OPCML: variants seen among roughly 807,000 people sequenced by gnomAD.
OPCML encodes opioid binding protein/cell adhesion molecule like.
A neutral mutation model predicts 37.8 loss-of-function variants in OPCML; 13 were observed. The observed-to-expected ratio is 0.34, with a 90% CI of 0.22 to 0.55. OPCML has a LOEUF of 0.55. Among genes scored for constraint, OPCML ranks in the 20% least tolerant of loss-of-function variants. The pLI is 0.91. For synonymous variants in OPCML, 176 were observed against 168.8 expected (o/e 1.04, Z -0.33); for missense variants, 341 against 435.6 (o/e 0.78, Z 1.93).
At chr11:132,528,150 T>C (rs1177101953) in intron 4 of OPCML, among the ~76,000 whole-genome samples, 6 of 152,122 alleles carry the variant, frequency 3.9e-5, no homozygotes, top group Non-Finnish European at 7.4e-5. Context: ...TTATCACTTT[T>C]CTTCTGTTAC....
At chr11:132,610,600 G>A (rs140304218) in intron 3 of OPCML, among the ~76,000 whole-genome samples, 1 of 152,280 alleles carries the variant, frequency 6.6e-6, no homozygotes, top group Non-Finnish European at 1.5e-5. Flanking sequence ...ACTGGCGCTC[G>A]GAACTAGGGG....
intron 1 of OPCML, among the ~76,000 whole-genome samples, chr11:133,347,989 G>C (rs1944040371): frequency 6.6e-6 from 1 of 152,140 alleles, no homozygotes; most frequent in African/African-American, 2.4e-5. Flanking sequence ...AAAGCTTGAT[G>C]ATATACCAAA....
intron 1 of OPCML, among the ~76,000 whole-genome samples, chr11:132,994,994 A>G (rs1198750560): frequency 6.6e-6 from 1 of 152,250 alleles, no homozygotes; most frequent in African/African-American, 2.4e-5. Context: ...TATAGGTCAC[A>G]TGGTTGGTAA....
intron 1 of OPCML, among the ~76,000 whole-genome samples, chr11:133,314,213 C>T (rs1181738426): frequency 3.6e-4 from 39 of 108,048 alleles, no homozygotes; most frequent in Admixed American, 1.9e-3. Context: ...CCAGCCTGGG[C>T]TACAGCGAGA....
intron 1 of OPCML, chr11:133,026,226 A>G: frequency 1.6e-6 from 1 of 637,826 alleles, no homozygotes; most frequent in Non-Finnish European, 2.0e-6. Flanking sequence ...AGGTTAGAGA[A>G]GTCAGTTACA....
intron 2 of OPCML, among the ~76,000 whole-genome samples, chr11:132,820,494 T>TG (rs760152659): frequency 0.016 from 2,473 of 152,140 alleles, 27 homozygotes; most frequent in Middle Eastern, 0.031. Flanking sequence ...CACATATATA[T>TG]GTGGTGTGTG....
chr11:132,543,377 G>A (rs1002442148), intron 3 of OPCML, among the ~76,000 whole-genome samples: 2 of 151,932 alleles, frequency 1.3e-5, no homozygotes, highest in Non-Finnish European at 2.9e-5. Flanking sequence ...GCCAGGCATG[G>A]TGGCATGCGC....
At chr11:132,781,504 T>C (rs980467904) in intron 2 of OPCML, among the ~76,000 whole-genome samples, 2 of 152,068 alleles carry the variant, frequency 1.3e-5, no homozygotes, top group Non-Finnish European at 2.9e-5. Flanking sequence ...CACTGTGGAC[T>C]GTGGGACTTC....
At chr11:133,009,649 C>G (rs979480633) in intron 1 of OPCML, among the ~76,000 whole-genome samples, 11 of 152,210 alleles carry the variant, frequency 7.2e-5, no homozygotes, top group African/African-American at 2.7e-4. Flanking sequence ...GAGAATGAAA[C>G]CGCACCACCT....
At chr11:132,577,443 A>C (rs2096453412) in intron 3 of OPCML, among the ~76,000 whole-genome samples, 1 of 152,194 alleles carries the variant, frequency 6.6e-6, no homozygotes, top group Non-Finnish European at 1.5e-5. Flanking sequence ...CAATTCAACT[A>C]TATTTATATG....
intron 3 of OPCML, among the ~76,000 whole-genome samples, chr11:132,616,355 TG>T (rs1245932044): frequency 2.6e-5 from 4 of 152,220 alleles, no homozygotes; most frequent in Non-Finnish European, 5.9e-5. Context: ...AAAGTTAGTT[TG>T]GTTCACCTCC....
At chr11:133,429,351 C>T (rs921278154) in intron 1 of OPCML, among the ~76,000 whole-genome samples, 18 of 152,112 alleles carry the variant, frequency 1.2e-4, no homozygotes, top group African/African-American at 4.3e-4. Flanking sequence ...CAGAGACAGA[C>T]TGGGGTGAGC....
intron 2 of OPCML, among the ~76,000 whole-genome samples, chr11:132,709,719 A>G (rs541753176): frequency 6.6e-6 from 1 of 152,344 alleles, no homozygotes; most frequent in East Asian, 1.9e-4. Flanking sequence ...GCCACTAACT[A>G]CAGCCCGCAC....
intron 1 of OPCML, among the ~76,000 whole-genome samples, chr11:133,209,089 C>T (rs1261997891): frequency 6.6e-6 from 1 of 152,208 alleles, no homozygotes; most frequent in Non-Finnish European, 1.5e-5. Context: ...CCTCATTTAA[C>T]ACTCTTAAAG....
intron 4 of OPCML, among the ~76,000 whole-genome samples, chr11:132,450,647 A>G (rs1203808740): frequency 1.3e-5 from 2 of 152,108 alleles, no homozygotes; most frequent in African/African-American, 4.8e-5. Flanking sequence ...TGTAAAAAAC[A>G]GTGTGATATT....
chr11:132,984,589 G>C (rs906744795), intron 1 of OPCML, among the ~76,000 whole-genome samples: 3 of 152,192 alleles, frequency 2.0e-5, no homozygotes, highest in African/African-American at 4.8e-5. Context: ...GGCAGCCACA[G>C]CTGTAACTCT....
chr11:133,404,646 G>A (rs867752710), intron 1 of OPCML, among the ~76,000 whole-genome samples: 6 of 152,214 alleles, frequency 3.9e-5, no homozygotes, highest in African/African-American at 1.2e-4. Flanking sequence ...GAGTAGTAAC[G>A]ATAAGAGAAG....
chr11:133,182,898 G>C (rs770778339), intron 1 of OPCML, among the ~76,000 whole-genome samples: 1 of 152,028 alleles, frequency 6.6e-6, no homozygotes, highest in Non-Finnish European at 1.5e-5. Flanking sequence ...GGAACACCAC[G>C]AAGGCGCCCA....
chr11:133,514,521 T>A (rs55863421), intron 1 of OPCML, among the ~76,000 whole-genome samples: 1 of 152,122 alleles, frequency 6.6e-6, no homozygotes, highest in African/African-American at 2.4e-5. Flanking sequence ...CAGGGTACTC[T>A]GAATGTCCTG....
Sources: allele counts gnomAD v4.1 joint callset (sites outside exome capture counted in the v4.1 genomes callset), GRCh38; gene constraint gnomAD v4.1.1; transcripts MANE v1.5; gene names NCBI Gene and HGNC (gene_info 2026-07-23, HGNC 2026-07-21).